The following INPP5A variants were observed in gnomAD, a reference collection of about 807,000 sequenced individuals.
INPP5A encodes the protein 43 kDa inositol polyphosphate 5-phophatase.
Under a neutral mutation model 65.2 loss-of-function variants are expected in INPP5A, and 14 were observed. The observed-to-expected ratio is 0.21, with a 90% CI of 0.14 to 0.34. The LOEUF (loss-of-function observed/expected upper bound fraction) is 0.34, where lower values mean the gene tolerates loss of function less well. INPP5A is among the 10% of genes least tolerant of loss of function. The probability of loss-of-function intolerance (pLI) is 1.00; values close to 1 mark genes in which losing one functional copy is unlikely to be tolerated. For missense variants in INPP5A, 431 were observed against 545.6 expected (o/e 0.79, Z 2.09); for synonymous variants, 207 against 208.3 (o/e 0.99, Z 0.05).
chr10:132,641,949 G>A (rs907658889), intron 2 of INPP5A, among the ~76,000 whole-genome samples: 1 of 152,224 alleles, frequency 6.6e-6, no homozygotes, highest in African/African-American at 2.4e-5. Context: ...CCTGTGCATG[G>A]TCAGGGTGTG....
rs999824933 is a variant in INPP5A at position 132,637,645 on chromosome 10, TG to T, written c.118-8221del. ...CCAGTGACTCTCCTGGCGCCTGCTG[TG>T]GCTGTCCTCCTCTGTCATGACTGTT... On this transcript the variant is annotated intron_variant, in intron 2 of 15. Coordinates refer to ENST00000368594, the MANE Select transcript of INPP5A (RefSeq NM_005539.5). This position sits in a 1 kb window ranked among gnomAD's most constrained non-coding sequence, Gnocchi z 4.1. Among the ~76,000 whole-genome samples the T allele has an allele frequency of 6.6e-6, 1 of 152,212 alleles. No individual in the cohort carries two copies. Among genetic ancestry groups the T allele is most frequent in the African/African-American group, 2.4e-5 (1 of 41,458 alleles).
At chr10:132,656,935 C>T (rs1003175362) in intron 4 of INPP5A, among the ~76,000 whole-genome samples, 2 of 152,164 alleles carry the variant, frequency 1.3e-5, no homozygotes, top group African/African-American at 2.4e-5. Context: ...CAGACAGCAG[C>T]GACAGGGCTG....
chr10:132,671,536 C>A (rs2072893030), intron 4 of INPP5A, among the ~76,000 whole-genome samples: 1 of 152,208 alleles, frequency 6.6e-6, no homozygotes, highest in Admixed American at 6.5e-5. Flanking sequence ...AGGACACAAC[C>A]TTCTTGGCTG....
At position 132,753,240 on chromosome 10, in the gene INPP5A, G is replaced by A. The variant is rs1474033200; in HGVS notation, c.903+3395G>A. Among the ~76,000 whole-genome samples the A allele has an allele frequency of 1.3e-5, 2 of 152,164 alleles. No homozygotes were observed. The highest frequency in any genetic ancestry group is 2.1e-4 in the South Asian group (1 of 4,820). On this transcript the variant is annotated intron_variant, in intron 11 of 15. Transcript: ENST00000368594. This position sits in a 1 kb window ranked among gnomAD's most constrained non-coding sequence, Gnocchi z 5.3. Reference sequence around the variant, plus strand: ...TGGCAGTTGTCCCCATCGACGGAGGGTCAAGGTGGTCGGACGGGGAGCCTG... The same window carrying A: ...TGGCAGTTGTCCCCATCGACGGAGGATCAAGGTGGTCGGACGGGGAGCCTG...
chr10:132,591,100 C>T (rs1164196579), intron 1 of INPP5A, among the ~76,000 whole-genome samples: 1 of 152,202 alleles, frequency 6.6e-6, no homozygotes, highest in African/African-American at 2.4e-5. Context: ...GTCCTTTGCC[C>T]GTTTTTCCAT....
intron 4 of INPP5A, among the ~76,000 whole-genome samples, chr10:132,660,925 C>T (rs1213480383): frequency 1.3e-5 from 2 of 152,134 alleles, no homozygotes; most frequent in Non-Finnish European, 2.9e-5. Context: ...GACTCTGATT[C>T]CTTTAAGCCT....
rs147868730 is a variant in INPP5A, at chr10:132,602,376, A to C, written c.76-5539A>C. 1.5e-3 allele frequency among the ~76,000 whole-genome samples: 225 copies of C among 152,138 alleles called. 2 individuals are homozygous for C. In the East Asian group the frequency reaches 0.04, roughly 27 times the overall value. On this transcript the variant is annotated intron_variant, in intron 1 of 15. Transcript: ENST00000368594. ...AGTGACACAGTCTCGGCTCACTGCA[A>C]CCTCTGCCTCTGGATTCGGGTGATT...
At chr10:132,686,998 G>A (rs1845146483) in intron 4 of INPP5A, among the ~76,000 whole-genome samples, 1 of 152,212 alleles carries the variant, frequency 6.6e-6, no homozygotes, top group African/African-American at 2.4e-5. Flanking sequence ...AGGCTGGAGT[G>A]CAGTGGCATG....
At chr10:132,656,397 A>G (rs2072656766) in intron 4 of INPP5A, among the ~76,000 whole-genome samples, 1 of 152,236 alleles carries the variant, frequency 6.6e-6, no homozygotes, top group African/African-American at 2.4e-5. Flanking sequence ...GAGAGGGCTG[A>G]GAAGGTGTGG....
chr10:132,695,453 C>G (rs950434895), intron 5 of INPP5A, among the ~76,000 whole-genome samples: 1 of 152,200 alleles, frequency 6.6e-6, no homozygotes, highest in Admixed American at 6.5e-5. Context: ...AGGATGCCTC[C>G]TCTCCTACTT....
At chr10:132,542,133 C>T (rs1261422522) in intron 1 of INPP5A, among the ~76,000 whole-genome samples, 1 of 152,266 alleles carries the variant, frequency 6.6e-6, no homozygotes. Flanking sequence ...CTGTTTGGTC[C>T]TGAGAACACA....
intron 1 of INPP5A, among the ~76,000 whole-genome samples, chr10:132,563,403 T>C (rs1029851277): frequency 6.6e-6 from 1 of 152,144 alleles, no homozygotes; most frequent in Non-Finnish European, 1.5e-5. Flanking sequence ...GTCCTGCAAA[T>C]GTGAGCACCA....
intron 1 of INPP5A, among the ~76,000 whole-genome samples, chr10:132,539,111 A>T (rs1226989309): frequency 6.6e-6 from 1 of 152,040 alleles, no homozygotes; most frequent in Non-Finnish European, 1.5e-5. Context: ...TCCTGGTCTT[A>T]AAGCCTGGGC....
chr10:132,594,335 T>C lies in INPP5A; in HGVS notation c.76-13580T>C, dbSNP rs534983506. Among the ~76,000 whole-genome samples the C allele has an allele frequency of 6.6e-5, 10 of 152,358 alleles. No individual in the cohort carries two copies. In the South Asian group the frequency reaches 2.1e-3, roughly 32 times the overall value. On this transcript the variant is annotated intron_variant, in intron 1 of 15. Coordinates refer to ENST00000368594, the MANE Select transcript of INPP5A (RefSeq NM_005539.5). ...AGTAGCCTCATTTAAAGGACAGACG[T>C]GGCTAGTGCAGGTCTAGAACGTGTC... is the stretch of plus-strand genomic sequence containing the variant.
At chr10:132,691,414 C>T (rs954217556) in intron 5 of INPP5A, among the ~76,000 whole-genome samples, 1 of 152,332 alleles carries the variant, frequency 6.6e-6, no homozygotes, top group East Asian at 1.9e-4. Context: ...CGTCTGCGTG[C>T]TGTGCGCTCA....
At chr10:132,542,010 GT>G (rs914556111) in intron 1 of INPP5A, among the ~76,000 whole-genome samples, 3 of 152,250 alleles carry the variant, frequency 2.0e-5, no homozygotes, top group Non-Finnish European at 4.4e-5. Flanking sequence ...GATGTGGCTG[GT>G]TTTTTGACAA....
chr10:132,563,670 GA>G (rs143392270), intron 1 of INPP5A, among the ~76,000 whole-genome samples: 166 of 152,236 alleles, frequency 1.1e-3, no homozygotes, highest in African/African-American at 3.8e-3. Context: ...AAAATTAAAG[GA>G]AAGAGAGAAA....
chr10:132,751,072 G>A (rs923036868), intron 11 of INPP5A, among the ~76,000 whole-genome samples: 3 of 152,206 alleles, frequency 2.0e-5, no homozygotes, highest in African/African-American at 7.2e-5. Context: ...TGCCAGCCCC[G>A]AGTCCCAGGC....
rs2072961444 is a variant in INPP5A, at chr10:132,676,084, GA to G, written c.307-14303del. On this transcript the variant is annotated intron_variant, in intron 4 of 15. Transcript: ENST00000368594. The surrounding 1 kb of genome is among the most constrained non-coding windows in gnomAD (Gnocchi z 4.0). ...TTACTTGTATAATCATTTATACGTA[GA>G]AAAATATAACAAATTTCATAATTAA... Among the ~76,000 whole-genome samples, 1 of 152,148 alleles carries G rather than the reference GA, an allele frequency of 6.6e-6. No individual in the cohort carries two copies. The highest frequency in any genetic ancestry group is 2.4e-5 in the African/African-American group (1 of 41,424).
Sources: gnomAD v4.1 joint callset for allele counts (sites outside exome capture counted in the v4.1 genomes callset) on GRCh38, gnomAD v4.1.1 for gene constraint, Gnocchi (gnomAD v3.1) non-coding constraint, MANE v1.5 for transcripts, NCBI Gene and HGNC (gene_info 2026-07-23, HGNC 2026-07-21) for gene names.